LTBP1: variants seen among roughly 807,000 people sequenced by gnomAD.
LTBP1 encodes latent-transforming growth factor beta-binding protein 1.
In LTBP1, 129 loss-of-function variants were observed where a neutral mutation model predicts 207.6. That is an observed-to-expected ratio of 0.62 (90% CI 0.54 to 0.72). The LOEUF (loss-of-function observed/expected upper bound fraction) is 0.72, where lower values mean the gene tolerates loss of function less well. LTBP1 is among the 30% of genes least tolerant of loss of function. The pLI is 0.00. For missense variants in LTBP1, 2,281 were observed against 2,217.2 expected (o/e 1.03, Z -0.58); for synonymous variants, 963 against 833.7 (o/e 1.16, Z -2.67).
At chr2:32,959,621 A>ATATATATATATTT (rs1475834284) in intron 2 of LTBP1, among the ~76,000 whole-genome samples, 1 of 36,668 alleles carries the variant, frequency 2.7e-5, no homozygotes, top group Non-Finnish European at 5.0e-5. Flanking sequence ...ATATATATAT[A>ATATATATATATTT]TTTTTTTTTT....
At chr2:32,958,113 T>A (rs1043558557) in intron 2 of LTBP1, among the ~76,000 whole-genome samples, 1 of 152,202 alleles carries the variant, frequency 6.6e-6, no homozygotes, top group African/African-American at 2.4e-5. Context: ...GGAATTAGAA[T>A]ACGGAGCTCC....
At chr2:33,250,221 A>G (rs574732024) in intron 10 of LTBP1, among the ~76,000 whole-genome samples, 1 of 152,324 alleles carries the variant, frequency 6.6e-6, no homozygotes, top group East Asian at 1.9e-4. Context: ...GCAGTTTTAA[A>G]TGGCACACCC....
intron 19 of LTBP1, among the ~76,000 whole-genome samples, chr2:33,289,949 A>G (rs1257135805): frequency 2.0e-5 from 3 of 152,150 alleles, no homozygotes; most frequent in Non-Finnish European, 4.4e-5. Flanking sequence ...CTGTAACGGA[A>G]CACCTTGAGA....
chr2:32,952,789 A>C (rs1448141382), intron 2 of LTBP1, among the ~76,000 whole-genome samples: 1 of 152,206 alleles, frequency 6.6e-6, no homozygotes. Flanking sequence ...GGACACGGGA[A>C]TAGGCAATAC....
chr2:33,252,859 G>C lies in LTBP1; in HGVS notation c.2167+15G>C. On this transcript the variant is annotated intron_variant, in intron 11 of 33. Transcript: ENST00000404816. Reference sequence around the variant, plus strand: ...TCCAGGCACAGGTAAGACATGCCCAGCTGTATGCGCACATAGATTCCCAGC... The same window carrying C: ...TCCAGGCACAGGTAAGACATGCCCACCTGTATGCGCACATAGATTCCCAGC... The C allele has an allele frequency of 6.3e-7, 1 of 1,582,204 alleles. No individual in the cohort carries two copies. Among genetic ancestry groups the C allele is most frequent in the Non-Finnish European group, 8.6e-7 (1 of 1,158,844 alleles).
rs79635903 is a variant in LTBP1 at position 33,246,888 on chromosome 2, A to G, written c.1999+3104A>G. Among the ~76,000 whole-genome samples, 129 of 152,280 alleles carry G rather than the reference A, an allele frequency of 8.5e-4. No individual in the cohort carries two copies. In the East Asian group the frequency reaches 0.024, roughly 28 times the overall value. ...CTGACCTCTATGTTTGAGGCTTAGG[A>G]TGGTGTAGGAGCATTCTCCAGACAT... On this transcript the variant is annotated intron_variant, in intron 10 of 33. Transcript: ENST00000404816.
chr2:33,279,931 A>C (rs2093524246), intron 18 of LTBP1, 108 bp from the exon 19 acceptor site: 11 of 1,174,164 alleles, frequency 9.4e-6, no homozygotes, highest in Non-Finnish European at 1.3e-5. Flanking sequence ...TGTTTTTCCC[A>C]CTGAAATGTA....
chr2:33,310,393 C>G (rs970677932), intron 23 of LTBP1, among the ~76,000 whole-genome samples: 1 of 152,202 alleles, frequency 6.6e-6, no homozygotes, highest in African/African-American at 2.4e-5. Context: ...AACACAGCAA[C>G]ACAACACAGG....
In LTBP1 at chr2:33,228,597, T is replaced by A. The variant is rs185391522; in HGVS notation, c.1876+6446T>A. On this transcript the variant is annotated intron_variant, in intron 9 of 33. Coordinates refer to ENST00000404816, the MANE Select transcript of LTBP1 (RefSeq NM_206943.4). Reference sequence around the variant, plus strand: ...AATCTTCAAAACAATCCTATGAGATTTGGGCATTATTATTCTCAATTAGAC... The same window carrying A: ...AATCTTCAAAACAATCCTATGAGATATGGGCATTATTATTCTCAATTAGAC... Among the ~76,000 whole-genome samples, 1,011 of 152,212 alleles carry A rather than the reference T, an allele frequency of 6.6e-3. 5 individuals carry two copies. The highest frequency in any genetic ancestry group is 0.034 in the Middle Eastern group (10 of 294).
At chr2:33,270,447 G>A (rs951160100) in intron 15 of LTBP1, among the ~76,000 whole-genome samples, 7 of 151,738 alleles carry the variant, frequency 4.6e-5, no homozygotes, top group East Asian at 2.0e-4. Flanking sequence ...AAAATTAGCC[G>A]GGCGTGGTGG....
At chr2:33,125,889 G>A (rs116383723) in intron 4 of LTBP1, among the ~76,000 whole-genome samples, 1,537 of 151,974 alleles carry the variant, frequency 0.01, 20 homozygotes, top group African/African-American at 0.036. Context: ...CATTACCTTA[G>A]AGTTTCTGTG....
chr2:33,330,194 A>T (rs1307444059), intron 24 of LTBP1, among the ~76,000 whole-genome samples: 1 of 151,974 alleles, frequency 6.6e-6, no homozygotes, highest in Admixed American at 6.6e-5. Flanking sequence ...TATAGAGCTA[A>T]ATTTGATTTT....
intron 19 of LTBP1, among the ~76,000 whole-genome samples, chr2:33,285,410 T>A (rs1365621970): frequency 1.3e-5 from 2 of 151,664 alleles, no homozygotes; most frequent in Non-Finnish European, 2.9e-5. Context: ...TTTTAATTCT[T>A]CTTATGTCAT....
intron 4 of LTBP1, among the ~76,000 whole-genome samples, chr2:33,128,172 C>G (rs1422083706): frequency 6.6e-6 from 1 of 152,190 alleles, no homozygotes; most frequent in Non-Finnish European, 1.5e-5. Context: ...GTCAGACATG[C>G]TTCTCCACAT....
Position 33,293,162 on chromosome 2 carries a change from G to A in LTBP1, c.3115G>A (p.Val1039Met), listed in dbSNP as rs1214274039. 3 of 1,611,710 alleles carry A rather than the reference G, an allele frequency of 1.9e-6. No homozygotes were observed. Among genetic ancestry groups the A allele is most frequent in the Admixed American group, 1.7e-5 (1 of 59,432 alleles). ...FRGWNGQCLD[V>M]DECLEPNVCA... ...TCCATTACGCAACATTCTTCAAGATGTGGACGAGTGCCTGGAACCAAACGT... is the reference window on the plus strand; with the variant it reads ...TCCATTACGCAACATTCTTCAAGATATGGACGAGTGCCTGGAACCAAACGT... Residue 1039 changes from valine (V) to methionine (M), a missense_variant and splice_region_variant, in exon 20 of 34, where the codon GTG becomes ATG. Physicochemically the swap from Val to Met is conservative, Grantham distance 21. This residue lies in a region of LTBP1 where 1,671 missense variants were observed against 1,634.8 expected (regional missense o/e 1.02). Transcript: ENST00000404816.
intron 7 of LTBP1, among the ~76,000 whole-genome samples, chr2:33,204,175 A>C (rs2089630200): frequency 6.6e-6 from 1 of 152,214 alleles, no homozygotes; most frequent in Admixed American, 6.5e-5. Context: ...TAAGACCATG[A>C]TAGTACTGTT....
intron 26 of LTBP1, among the ~76,000 whole-genome samples, chr2:33,351,720 A>G (rs1350614249): frequency 6.6e-6 from 1 of 152,110 alleles, no homozygotes. Context: ...GAAACATTTG[A>G]CAGTGGTTTT....
In LTBP1 at chr2:32,948,956, A is replaced by G. The variant is rs375096378; in HGVS notation, c.565+11A>G. ...AGAGGTGCACCAAACGTAAGTTGCC[A>G]TGTTCACAGTGGCCCTGCACAGTAG... is the stretch of plus-strand genomic sequence containing the variant. On this transcript the variant is annotated intron_variant, in intron 2 of 33. Coordinates refer to ENST00000404816, the MANE Select transcript of LTBP1 (RefSeq NM_206943.4). 1.9e-6 allele frequency: 3 copies of G among 1,614,104 alleles called. No individual in the cohort carries two copies. Among genetic ancestry groups the G allele is most frequent in the Admixed American group, 3.3e-5 (2 of 60,026 alleles).
At chr2:33,343,083 G>A in intron 25 of LTBP1, 120 bp downstream of exon 25, 1 of 1,211,752 alleles carries the variant, frequency 8.3e-7, no homozygotes, top group Non-Finnish European at 1.1e-6. Flanking sequence ...ATTTGATTTT[G>A]TCATACAATT....
Sources: gnomAD v4.1 joint callset for allele counts (sites outside exome capture counted in the v4.1 genomes callset) on GRCh38, gnomAD v4.1.1 for gene constraint, gnomAD v4.1.1 regional missense constraint, MANE v1.5 for transcripts, NCBI Gene and HGNC (gene_info 2026-07-23, HGNC 2026-07-21) for gene names.